The following DROSHA variants were observed in gnomAD, a reference collection of about 807,000 sequenced individuals.
The protein encoded by DROSHA is ribonuclease 3.
Under a neutral mutation model 181.9 loss-of-function variants are expected in DROSHA, and 56 were observed. The observed-to-expected ratio is 0.31, with a 90% CI of 0.25 to 0.38. DROSHA has a LOEUF of 0.38. Among genes scored for constraint, DROSHA ranks in the 10% least tolerant of loss-of-function variants. The pLI is 1.00. For synonymous variants in DROSHA, 524 were observed against 591.2 expected, an observed-to-expected ratio of 0.89 and a Z score of 1.65; for missense variants, 1,218 against 1,743.5, an observed-to-expected ratio of 0.70 and a Z score of 5.37.
intron 10 of DROSHA, among the ~76,000 whole-genome samples, chr5:31,508,062 AT>A (rs1368248543): frequency 6.6e-6 from 1 of 152,152 alleles, no homozygotes; most frequent in African/African-American, 2.4e-5. Flanking sequence ...TAAAGATATA[AT>A]TTTTGTATGT....
intron 6 of DROSHA, among the ~76,000 whole-genome samples, chr5:31,515,913 G>A (rs1739225575): frequency 6.6e-6 from 1 of 152,162 alleles, no homozygotes; most frequent in Non-Finnish European, 1.5e-5. Context: ...GACTTCCTGG[G>A]GCTTGAAATC....
chr5:31,450,988 G>A (rs1043221974), intron 21 of DROSHA, among the ~76,000 whole-genome samples: 1 of 152,160 alleles, frequency 6.6e-6, no homozygotes, highest in Non-Finnish European at 1.5e-5. Context: ...CATCACCTGA[G>A]GTCAGAAGTT....
At position 31,486,471 on chromosome 5, in the gene DROSHA, C is replaced by CT. The variant is rs72552345; in HGVS notation, c.1914+19_1914+20insA. ...CAAAAGAGCAAACTACATCAAACCA[C>CT]ACACAATCTTTTCCCTTACCTCCGG... On this transcript the variant is annotated intron_variant, in intron 14 of 35. Transcript: ENST00000344624. The CT allele has an allele frequency of 0.077, 123,872 of 1,611,364 alleles. 5,912 individuals are homozygous for CT. The highest frequency in any genetic ancestry group is 0.19 in the African/African-American group (14,391 of 74,928).
chr5:31,473,463 C>A, intron 16 of DROSHA, among the ~76,000 whole-genome samples: 1 of 152,198 alleles, frequency 6.6e-6, no homozygotes, highest in African/African-American at 2.4e-5. Flanking sequence ...TCCAAATATT[C>A]ATTCATTCAA....
intron 27 of DROSHA, among the ~76,000 whole-genome samples, chr5:31,425,291 T>C (rs952619255): frequency 6.6e-6 from 1 of 152,208 alleles, no homozygotes; most frequent in Non-Finnish European, 1.5e-5. Context: ...AAATACCTAA[T>C]ATTTCTTGCA....
chr5:31,482,645 G>GT (rs1751165114), intron 16 of DROSHA, among the ~76,000 whole-genome samples: 2 of 152,080 alleles, frequency 1.3e-5, no homozygotes, highest in African/African-American at 4.8e-5. Context: ...CACCAGGCTG[G>GT]TAACAGAACC....
chr5:31,457,344 C>T (rs1227395189), intron 20 of DROSHA, among the ~76,000 whole-genome samples: 2 of 151,822 alleles, frequency 1.3e-5, no homozygotes, highest in South Asian at 2.1e-4. Context: ...AGGCTGGTCT[C>T]GAACTACTGA....
intron 10 of DROSHA, 86 bp downstream of exon 10, chr5:31,508,535 T>G (rs1274794903): frequency 3.2e-6 from 5 of 1,576,096 alleles, no homozygotes; most frequent in Admixed American, 1.7e-5. Context: ...GTTTCAATAC[T>G]AGGCAACATG....
intron 2 of DROSHA, 119 bp from the exon 3 acceptor site, chr5:31,531,043 G>C: frequency 2.6e-6 from 1 of 391,900 alleles, no homozygotes; most frequent in East Asian, 3.6e-5. Flanking sequence ...TTTTCACTGA[G>C]TCATGCAATA....
At chr5:31,439,790 G>A (rs1424079322) in intron 23 of DROSHA, among the ~76,000 whole-genome samples, 4 of 152,184 alleles carry the variant, frequency 2.6e-5, no homozygotes, top group South Asian at 2.1e-4. Context: ...TGCTGAAAGA[G>A]AAAATATGAG....
chr5:31,521,251 GA>G, intron 5 of DROSHA, 36 bp from the exon 6 acceptor site: 2 of 1,604,670 alleles, frequency 1.2e-6, no homozygotes, highest in Non-Finnish European at 1.7e-6. Flanking sequence ...GTTTTCAACA[GA>G]AAGACTCAAA....
intron 30 of DROSHA, among the ~76,000 whole-genome samples, chr5:31,412,649 G>A (rs1741451582): frequency 6.6e-6 from 1 of 152,132 alleles, no homozygotes; most frequent in Non-Finnish European, 1.5e-5. Context: ...TTCTTTGCCT[G>A]TCTCTGCTTT....
chr5:31,445,256 C>G (rs1467976030), intron 23 of DROSHA, among the ~76,000 whole-genome samples: 1 of 152,222 alleles, frequency 6.6e-6, no homozygotes, highest in Non-Finnish European at 1.5e-5. Flanking sequence ...AGAGCCTCAT[C>G]AGCCATTAAG....
rs140324289 is a variant in DROSHA at position 31,523,663 on chromosome 5, A to G, written c.854+2416T>C. On this transcript the variant is annotated intron_variant, in intron 5 of 35. Transcript: ENST00000344624. ...ACTCTTTCCAGTTAACATTTGCACTATAAAACTGTAACATTAACTATCACA... is the reference window on the plus strand; with the variant it reads ...ACTCTTTCCAGTTAACATTTGCACTGTAAAACTGTAACATTAACTATCACA... Among the ~76,000 whole-genome samples the G allele has an allele frequency of 2.4e-3, 367 of 152,310 alleles. 1 individual carries two copies. Among genetic ancestry groups the G allele is most frequent in the African/African-American group, 8.4e-3 (351 of 41,562 alleles).
At position 31,526,180 on chromosome 5, in the gene DROSHA, C is replaced by T. The variant is rs750071831; in HGVS notation, c.753G>A (p.Glu251=). 5.0e-6 allele frequency: 8 copies of T among 1,613,682 alleles called. No individual in the cohort carries two copies. In the Admixed American group the frequency reaches 1.0e-4, roughly 20 times the overall value. Residue 251 remains glutamate (E), a synonymous_variant, in exon 5 of 36, where the codon GAG becomes GAA. Coordinates refer to ENST00000344624, the MANE Select transcript of DROSHA (RefSeq NM_001382508.1). ...TTCTCCTGTCGGGACTGCGGCCTCG[C>T]TCCCGCCGATCCAGGGACCGATGCC... The part of the protein sequence containing the change: ...GERHRSLDRR[E]RGRSPDRRRQ...
intron 14 of DROSHA, 123 bp from the exon 15 acceptor site, chr5:31,485,085 T>A: frequency 1.6e-6 from 1 of 637,128 alleles, no homozygotes; most frequent in Non-Finnish European, 2.6e-6. Context: ...GACCATATAG[T>A]TTCCTGAAGA....
chr5:31,491,903 T>C (rs1752473133), intron 13 of DROSHA, among the ~76,000 whole-genome samples: 1 of 152,204 alleles, frequency 6.6e-6, no homozygotes, highest in Admixed American at 6.5e-5. Context: ...CAAATGATTC[T>C]TGTGCCTCAA....
At chr5:31,460,642 A>C (rs1177404745) in intron 20 of DROSHA, among the ~76,000 whole-genome samples, 1 of 152,220 alleles carries the variant, frequency 6.6e-6, no homozygotes, top group Non-Finnish European at 1.5e-5. Context: ...TTCTTGTAAA[A>C]ATTATGAGCC....
intron 17 of DROSHA, 118 bp downstream of exon 17, chr5:31,471,945 A>G (rs1749775120): frequency 1.1e-6 from 1 of 939,526 alleles, no homozygotes; most frequent in East Asian, 2.9e-5. Context: ...AAATTATCCA[A>G]GGACAAGAGC....
Sources: gnomAD v4.1 joint callset for allele counts (sites outside exome capture counted in the v4.1 genomes callset) on GRCh38, gnomAD v4.1.1 for gene constraint, MANE v1.5 for transcripts, NCBI Gene and HGNC (gene_info 2026-07-23, HGNC 2026-07-21) for gene names.